CDC42BPB: variants seen among roughly 807,000 people sequenced by gnomAD.
The protein encoded by CDC42BPB is CDC42 binding protein kinase beta, also known as serine/threonine-protein kinase MRCK beta.
In CDC42BPB, 37 loss-of-function variants were observed where a neutral mutation model predicts 214.9. The observed-to-expected ratio is 0.17, with a 90% CI of 0.13 to 0.23. The LOEUF (loss-of-function observed/expected upper bound fraction) is 0.23, where lower values mean the gene tolerates loss of function less well. CDC42BPB is among the 10% of genes least tolerant of loss of function. CDC42BPB has a pLI of 1.00. For missense variants in CDC42BPB, 1,694 were observed against 2,227.0 expected (o/e 0.76, Z 4.82); for synonymous variants, 931 against 884.0 (o/e 1.05, Z -0.94).
intron 1 of CDC42BPB, among the ~76,000 whole-genome samples, chr14:103,037,057 C>T (rs1466666046): frequency 1.3e-5 from 2 of 151,790 alleles, no homozygotes; most frequent in Non-Finnish European, 2.9e-5. Flanking sequence ...CTGCCCACCT[C>T]TTATAGGCGT....
chr14:103,036,895 C>T (rs1275097576), intron 1 of CDC42BPB, among the ~76,000 whole-genome samples: 1 of 152,146 alleles, frequency 6.6e-6, no homozygotes, highest in African/African-American at 2.4e-5. Context: ...TGGTTCACTG[C>T]AGCCTCGACC....
chr14:102,946,191 TTA>T (rs1260385040), intron 28 of CDC42BPB, among the ~76,000 whole-genome samples: 3 of 151,886 alleles, frequency 2.0e-5, no homozygotes, highest in Non-Finnish European at 4.4e-5. Context: ...ATTTTTATTT[TTA>T]TTTTTTTTTT....
chr14:103,032,541 A>C (rs1179976465), intron 1 of CDC42BPB, among the ~76,000 whole-genome samples: 2,028 of 150,166 alleles, frequency 0.014, 16 homozygotes, highest in Non-Finnish European at 0.018. Context: ...ACTGCAAAAA[A>C]AAAAAAAAAA....
At chr14:102,937,520 A>G (rs1403952276) in intron 36 of CDC42BPB, among the ~76,000 whole-genome samples, 1 of 145,542 alleles carries the variant, frequency 6.9e-6, no homozygotes, top group Non-Finnish European at 1.5e-5. Context: ...CCCTCCCTCC[A>G]AGGATGGCGC....
chr14:103,027,053 A>C (rs1165713018), intron 1 of CDC42BPB, among the ~76,000 whole-genome samples: 1 of 152,220 alleles, frequency 6.6e-6, no homozygotes, highest in East Asian at 1.9e-4. Flanking sequence ...AAGAAGATAT[A>C]TTAATACAAA....
At chr14:102,945,041 A>G (rs1293950086) in intron 29 of CDC42BPB, 10 of 312,408 alleles carry the variant, frequency 3.2e-5, no homozygotes, top group Non-Finnish European at 5.1e-5. Context: ...GGCTAACCCA[A>G]GCCCCTCGCT....
In CDC42BPB at chr14:103,009,222, G is replaced by A. The variant is rs557796203; in HGVS notation, c.268-667C>T. Among the ~76,000 whole-genome samples the A allele has an allele frequency of 5.9e-5, 9 of 152,314 alleles. 1 individual carries two copies. The South Asian group carries it at 1.5e-3, about 25-fold the overall frequency. On this transcript the variant is annotated intron_variant, in intron 2 of 36. Transcript: ENST00000361246. ...GTGCCTGCAGCAGCCATGGCCTGAA[G>A]AGGTCTTAAATGGCAGTATCATCTA...
chr14:102,935,549 G>A (rs1189880682), intron 36 of CDC42BPB, among the ~76,000 whole-genome samples: 1 of 152,164 alleles, frequency 6.6e-6, no homozygotes, highest in Non-Finnish European at 1.5e-5. Flanking sequence ...CAGCACTTTG[G>A]GAGGCCAAGG....
chr14:102,989,860 A>C (rs1219781783), intron 5 of CDC42BPB, among the ~76,000 whole-genome samples: 1 of 132,144 alleles, frequency 7.6e-6, no homozygotes, highest in East Asian at 2.0e-4. Context: ...ACTCTGTTTC[A>C]AAAAAAAAAA....
intron 7 of CDC42BPB, 52 bp downstream of exon 7, chr14:102,983,504 A>G: frequency 1.9e-6 from 3 of 1,592,946 alleles, no homozygotes; most frequent in Non-Finnish European, 2.5e-6. Context: ...TGCTCTCTGT[A>G]CTTTAGGCCT....
intron 29 of CDC42BPB, 65 bp downstream of exon 29, chr14:102,945,597 G>C (rs1362573486): frequency 1.4e-6 from 2 of 1,412,026 alleles, no homozygotes; most frequent in East Asian, 4.6e-5. Context: ...TACTGACCCT[G>C]TGCTGTCTGC....
chr14:103,050,770 A>C (rs1888560035), intron 1 of CDC42BPB, among the ~76,000 whole-genome samples: 1 of 152,086 alleles, frequency 6.6e-6, no homozygotes, highest in Admixed American at 6.5e-5. Flanking sequence ...GGGAAAAAAA[A>C]AAATTCTTAA....
intron 21 of CDC42BPB, among the ~76,000 whole-genome samples, chr14:102,955,193 G>C (rs555685156): frequency 2.0e-4 from 30 of 152,180 alleles, no homozygotes; most frequent in Non-Finnish European, 4.1e-4. Context: ...GAGGCTGAGG[G>C]GGGCAGACCA....
At chr14:103,045,421 C>T (rs1034932303) in intron 1 of CDC42BPB, among the ~76,000 whole-genome samples, 1 of 152,148 alleles carries the variant, frequency 6.6e-6, no homozygotes, top group Non-Finnish European at 1.5e-5. Context: ...CTGTGAACAG[C>T]CCCACATCAC....
At chr14:102,987,616 T>C (rs541683841) in intron 5 of CDC42BPB, among the ~76,000 whole-genome samples, 1 of 151,938 alleles carries the variant, frequency 6.6e-6, no homozygotes, top group Non-Finnish European at 1.5e-5. Context: ...CACACAAACA[T>C]GGGCAGATGA....
chr14:102,953,138 G>A (rs541088264), intron 23 of CDC42BPB, among the ~76,000 whole-genome samples: 1 of 152,390 alleles, frequency 6.6e-6, no homozygotes, highest in African/African-American at 2.4e-5. Context: ...CTGAACAGAG[G>A]GTCGTGGTGC....
intron 2 of CDC42BPB, among the ~76,000 whole-genome samples, chr14:103,009,980 T>C (rs1886055587): frequency 6.6e-6 from 1 of 151,958 alleles, no homozygotes; most frequent in Non-Finnish European, 1.5e-5. Context: ...CTGTCTCTAC[T>C]AAAAAGAAAA....
chr14:102,956,342 C>G (rs1174931836), intron 21 of CDC42BPB: 1 of 481,496 alleles, frequency 2.1e-6, no homozygotes, highest in Admixed American at 6.4e-5. Context: ...CCAGTCAACA[C>G]TGGCATGAAG....
rs562363379 is a variant in CDC42BPB, at chr14:102,932,989, C to T, written c.*723G>A. ...CAGGCCACAGGGCCTGCCTGCACCA[C>T]GACACTCGCTGGTTTTATGGCAGGA... is the stretch of plus-strand genomic sequence containing the variant. On this transcript the variant is annotated 3_prime_UTR_variant, in exon 37 of 37. Transcript: ENST00000361246. 1.3e-5 allele frequency: 2 copies of T among 152,382 alleles called. No individual in the cohort carries two copies. The highest frequency in any genetic ancestry group is 2.9e-5 in the Non-Finnish European group (2 of 68,012). 9.4% of individuals were successfully genotyped at this position (152,382 alleles called of 1,614,324 possible).
Sources: gnomAD v4.1 joint callset for allele counts (sites outside exome capture counted in the v4.1 genomes callset) on GRCh38, gnomAD v4.1.1 for gene constraint, MANE v1.5 for transcripts, NCBI Gene and HGNC (gene_info 2026-07-23, HGNC 2026-07-21) for gene names.